Variants in GATAD2B observed in about 807,000 individuals in gnomAD.
GATAD2B encodes the protein GATA zinc finger domain containing 2B.
A neutral mutation model predicts 64.3 loss-of-function variants in GATAD2B; 8 were observed. The ratio of observed to expected loss-of-function variants is 0.12; its 90% confidence interval spans 0.07 to 0.22. The LOEUF is 0.22. Among genes scored for constraint, GATAD2B ranks in the 10% least tolerant of loss-of-function variants. The probability of loss-of-function intolerance (pLI) is 1.00; values close to 1 mark genes in which losing one functional copy is unlikely to be tolerated. For synonymous variants in GATAD2B, 281 were observed against 271.3 expected (o/e 1.04, Z -0.35); for missense variants, 453 against 752.0 (o/e 0.60, Z 4.65).
chr1:153,828,915 C>A (rs936565711), intron 1 of GATAD2B, among the ~76,000 whole-genome samples: 2 of 152,060 alleles, frequency 1.3e-5, no homozygotes, highest in African/African-American at 4.8e-5. Flanking sequence ...CTAACAAAAT[C>A]TAAATGTAGG....
intron 2 of GATAD2B, among the ~76,000 whole-genome samples, chr1:153,821,993 C>T (rs1674700128): frequency 6.6e-6 from 1 of 151,776 alleles, no homozygotes; most frequent in Non-Finnish European, 1.5e-5. Flanking sequence ...CCAGCCTGGC[C>T]AACGTGGAGA....
intron 1 of GATAD2B, among the ~76,000 whole-genome samples, chr1:153,897,418 T>G (rs934860090): frequency 1.3e-5 from 2 of 152,168 alleles, no homozygotes; most frequent in African/African-American, 4.8e-5. Context: ...TTTCTTCTAA[T>G]ACGATGAGAA....
intron 1 of GATAD2B, among the ~76,000 whole-genome samples, chr1:153,856,820 T>C (rs1676097102): frequency 1.3e-5 from 2 of 152,122 alleles, no homozygotes; most frequent in Non-Finnish European, 2.9e-5. Flanking sequence ...AACTGGAAAG[T>C]AATGTGGCAG....
intron 2 of GATAD2B, among the ~76,000 whole-genome samples, chr1:153,822,757 A>G (rs1240415543): frequency 6.6e-6 from 1 of 152,084 alleles, no homozygotes; most frequent in Non-Finnish European, 1.5e-5. Context: ...TCAGCCTCCC[A>G]AAGAGCTGGG....
At position 153,816,059 on chromosome 1, in the gene GATAD2B, A is replaced by AAC. The variant is rs71093286; in HGVS notation, c.1216+212_1216+213dup. ...CAGAGCGAGACTGCATCTCAAACAAAACACACACACACACACACACACACA... is the reference window on the plus strand; with the variant it reads ...CAGAGCGAGACTGCATCTCAAACAAAACACACACACACACACACACACACACA... On this transcript the variant is annotated intron_variant, in intron 7 of 10. Coordinates refer to ENST00000368655, the MANE Select transcript of GATAD2B (RefSeq NM_020699.4). The surrounding 1 kb of genome is among the most constrained non-coding windows in gnomAD (Gnocchi z 4.9). Among the ~76,000 whole-genome samples the AAC allele has an allele frequency of 0.011, 1,500 of 141,852 alleles. 9 individuals carry two copies. The highest frequency in any genetic ancestry group is 0.033 in the Middle Eastern group (9 of 276). The allele number at this position is 141,852 out of a possible 152,430, so 93.1% of individuals were successfully genotyped here.
intron 1 of GATAD2B, among the ~76,000 whole-genome samples, chr1:153,876,331 A>C (rs2101935193): frequency 6.6e-6 from 1 of 150,716 alleles, no homozygotes; most frequent in Admixed American, 6.6e-5. Flanking sequence ...AATGTCCTTA[A>C]CCATCGTACT....
intron 1 of GATAD2B, among the ~76,000 whole-genome samples, chr1:153,868,935 C>T (rs1039320736): frequency 6.6e-6 from 1 of 151,910 alleles, no homozygotes; most frequent in African/African-American, 2.4e-5. Flanking sequence ...AGCCAAGATA[C>T]TTAGAAGCCA....
At chr1:153,857,187 G>A (rs1033410066) in intron 1 of GATAD2B, among the ~76,000 whole-genome samples, 3 of 151,574 alleles carry the variant, frequency 2.0e-5, no homozygotes, top group Non-Finnish European at 4.4e-5. Context: ...GCTCACACCA[G>A]CAATGCCCAG....
At chr1:153,871,607 G>C (rs778784864) in intron 1 of GATAD2B, among the ~76,000 whole-genome samples, 90 of 151,980 alleles carry the variant, frequency 5.9e-4, no homozygotes, top group Admixed American at 1.9e-3. Context: ...GAGCAGCTGG[G>C]ACTACAGGTA....
chr1:153,865,166 A>G (rs991763006), intron 1 of GATAD2B, among the ~76,000 whole-genome samples: 1 of 152,050 alleles, frequency 6.6e-6, no homozygotes, highest in Non-Finnish European at 1.5e-5. Context: ...ATTAAAATCT[A>G]CGTCTAATTC....
chr1:153,853,360 T>A, intron 1 of GATAD2B: 1 of 695,228 alleles, frequency 1.4e-6, no homozygotes, highest in South Asian at 1.6e-5. Context: ...CAAGGGCAGG[T>A]TGACCACCCG....
chr1:153,891,336 G>T (rs1386021756), intron 1 of GATAD2B, among the ~76,000 whole-genome samples: 1 of 151,782 alleles, frequency 6.6e-6, no homozygotes, highest in Non-Finnish European at 1.5e-5. Context: ...GGGAGGCCAA[G>T]GTGGGTGGGT....
intron 1 of GATAD2B, among the ~76,000 whole-genome samples, chr1:153,908,782 GAAAAAAA>G (rs1553199454): frequency 4.4e-4 from 14 of 31,874 alleles, no homozygotes; most frequent in African/African-American, 1.3e-3. Context: ...AACATACTTG[GAAAAAAA>G]AAAAAAAAAA....
intron 1 of GATAD2B, among the ~76,000 whole-genome samples, chr1:153,840,797 C>T (rs1248142549): frequency 1.3e-5 from 2 of 152,052 alleles, no homozygotes; most frequent in African/African-American, 2.4e-5. Context: ...TTACTGTGCA[C>T]ACTGAAGAGA....
chr1:153,881,690 T>C (rs919695852), intron 1 of GATAD2B, among the ~76,000 whole-genome samples: 4 of 152,146 alleles, frequency 2.6e-5, no homozygotes, highest in African/African-American at 9.7e-5. Context: ...TTTCCGTTCC[T>C]TCCTCTAGCT....
At chr1:153,839,102 C>T (rs1251280129) in intron 1 of GATAD2B, among the ~76,000 whole-genome samples, 4 of 72,588 alleles carry the variant, frequency 5.5e-5, no homozygotes. Flanking sequence ...GAACGAGACC[C>T]TGTCTCAAAA....
At chr1:153,869,893 G>T (rs1051311744) in intron 1 of GATAD2B, among the ~76,000 whole-genome samples, 16 of 152,124 alleles carry the variant, frequency 1.1e-4, no homozygotes, top group African/African-American at 3.6e-4. Context: ...TTGGGAGGCT[G>T]AGGCGGCAGA....
chr1:153,817,589 T>G (rs775919222), intron 5 of GATAD2B, 47 bp from the exon 6 acceptor site: 5 of 1,384,368 alleles, frequency 3.6e-6, no homozygotes, highest in Non-Finnish European at 4.9e-6. Context: ...TTGTACGCTG[T>G]GTATAATACA....
At chr1:153,842,989 G>T (rs2101903176) in intron 1 of GATAD2B, among the ~76,000 whole-genome samples, 2 of 140,582 alleles carry the variant, frequency 1.4e-5, no homozygotes, top group African/African-American at 5.3e-5. Context: ...GAGTCTCGCT[G>T]TCGCCCAGGC....
Sources: gnomAD v4.1 joint callset for allele counts (sites outside exome capture counted in the v4.1 genomes callset) on GRCh38, gnomAD v4.1.1 for gene constraint, Gnocchi (gnomAD v3.1) non-coding constraint, MANE v1.5 for transcripts, NCBI Gene and HGNC (gene_info 2026-07-23, HGNC 2026-07-21) for gene names.